ZBTB20: variants seen among roughly 807,000 people sequenced by gnomAD.
ZBTB20 encodes zinc finger and BTB domain-containing protein 20.
In ZBTB20, 9 loss-of-function variants were observed where a neutral mutation model predicts 56.9. That is an observed-to-expected ratio of 0.16 (90% CI 0.10 to 0.28). ZBTB20 has a LOEUF of 0.28. ZBTB20 is among the 10% of genes least tolerant of loss of function. The probability of loss-of-function intolerance (pLI) is 1.00; values close to 1 mark genes in which losing one functional copy is unlikely to be tolerated. For missense variants in ZBTB20, 655 were observed against 1,003.0 expected (o/e 0.65, Z 4.69); for synonymous variants, 417 against 420.7 (o/e 0.99, Z 0.11).
Position 114,550,230 on chromosome 3 carries a change from G to A in ZBTB20, c.-294-49839C>T, listed in dbSNP as rs1577475553. ...TGGAATTACAGGCATGAGCCACTGT[G>A]CCCACCCTATAACTTCTTTATTTAT... On this transcript the variant is annotated intron_variant, in intron 6 of 11. Transcript: ENST00000675478. Among the ~76,000 whole-genome samples, 2 of 152,142 alleles carry A rather than the reference G, an allele frequency of 1.3e-5. 1 individual carries two copies. The highest frequency in any genetic ancestry group is 3.8e-4 in the East Asian group (2 of 5,198).
chr3:114,954,953 C>A (rs763540440), intron 3 of ZBTB20, among the ~76,000 whole-genome samples: 5 of 152,200 alleles, frequency 3.3e-5, no homozygotes, highest in Non-Finnish European at 5.9e-5. Context: ...CAAAGCTTAT[C>A]TGCCCACAGA....
At chr3:114,620,453 C>T (rs1029851446) in intron 6 of ZBTB20, among the ~76,000 whole-genome samples, 7 of 152,130 alleles carry the variant, frequency 4.6e-5, no homozygotes, top group East Asian at 3.9e-4. Context: ...CCACCATGCC[C>T]GGCTAATGTT....
chr3:114,684,466 G>GT (rs1296935132), intron 6 of ZBTB20: 2 of 152,170 alleles, frequency 1.3e-5, no homozygotes, highest in East Asian at 3.8e-4. Context: ...GCACCTAAAT[G>GT]TATGAAGCTT....
intron 3 of ZBTB20, among the ~76,000 whole-genome samples, chr3:114,970,532 A>C (rs1488417129): frequency 6.6e-6 from 1 of 152,172 alleles, no homozygotes; most frequent in Non-Finnish European, 1.5e-5. Context: ...TTTCATGAAA[A>C]CATTTTATTC....
intron 7 of ZBTB20, among the ~76,000 whole-genome samples, chr3:114,389,769 G>C (rs771886521): frequency 6.6e-6 from 1 of 151,518 alleles, no homozygotes; most frequent in Non-Finnish European, 1.5e-5. Context: ...CACGCCTGTA[G>C]TCCCAGCTAC....
At chr3:114,576,976 C>A (rs2054143800) in intron 6 of ZBTB20, among the ~76,000 whole-genome samples, 1 of 151,764 alleles carries the variant, frequency 6.6e-6, no homozygotes, top group Non-Finnish European at 1.5e-5. Flanking sequence ...CATAATTTAA[C>A]CATAGGATAG....
intron 7 of ZBTB20, among the ~76,000 whole-genome samples, chr3:114,461,593 C>T (rs906745250): frequency 6.6e-6 from 1 of 152,226 alleles, no homozygotes; most frequent in African/African-American, 2.4e-5. Context: ...GTGTGAGCCA[C>T]TGCGCCCAGC....
chr3:114,393,438 TTA>T (rs1480762650), intron 7 of ZBTB20, among the ~76,000 whole-genome samples: 1 of 152,222 alleles, frequency 6.6e-6, no homozygotes, highest in Non-Finnish European at 1.5e-5. Context: ...TGTCCTTTAA[TTA>T]AATCCTTCTT....
chr3:114,985,687 C>T (rs552550210), intron 2 of ZBTB20, among the ~76,000 whole-genome samples: 2 of 152,060 alleles, frequency 1.3e-5, no homozygotes, highest in East Asian at 1.9e-4. Flanking sequence ...TGGTAAGATT[C>T]GGGGTGAGAC....
At chr3:114,957,636 A>G (rs1029658506) in intron 3 of ZBTB20, among the ~76,000 whole-genome samples, 1 of 152,196 alleles carries the variant, frequency 6.6e-6, no homozygotes, top group African/African-American at 2.4e-5. Context: ...ATTTAACATC[A>G]TATCTTTCCC....
chr3:114,561,258 A>G (rs2052010022), intron 6 of ZBTB20, among the ~76,000 whole-genome samples: 1 of 152,186 alleles, frequency 6.6e-6, no homozygotes, highest in South Asian at 2.1e-4. Context: ...CTTCTTCCAA[A>G]TGCCTGTTAA....
At chr3:115,106,357 C>A (rs2083724171) in intron 1 of ZBTB20, among the ~76,000 whole-genome samples, 1 of 151,582 alleles carries the variant, frequency 6.6e-6, no homozygotes, top group African/African-American at 2.4e-5. Flanking sequence ...CCTCAGCCTC[C>A]CGAGTAGCTG....
chr3:115,091,062 A>G (rs2083175353), intron 1 of ZBTB20, among the ~76,000 whole-genome samples: 2 of 151,936 alleles, frequency 1.3e-5, no homozygotes, highest in Admixed American at 1.3e-4. Context: ...TATTTATTAT[A>G]TGGTTAAAGA....
At chr3:114,668,800 T>C (rs1247077867) in intron 6 of ZBTB20, among the ~76,000 whole-genome samples, 2 of 152,036 alleles carry the variant, frequency 1.3e-5, no homozygotes, top group African/African-American at 4.8e-5. Context: ...CTATGCAGAA[T>C]CTTAGAACCC....
chr3:114,999,290 G>C (rs1446595174), intron 2 of ZBTB20, among the ~76,000 whole-genome samples: 1 of 140,098 alleles, frequency 7.1e-6, no homozygotes, highest in Non-Finnish European at 1.6e-5. Context: ...GGAAAGGAAA[G>C]GGGGAGGGAA....
intron 6 of ZBTB20, among the ~76,000 whole-genome samples, chr3:114,635,392 C>CACAA (rs1270912445): frequency 6.6e-6 from 1 of 152,050 alleles, no homozygotes; most frequent in African/African-American, 2.4e-5. Flanking sequence ...TTCAAATATA[C>CACAA]AGATCACAAA....
At chr3:114,976,448 A>T in intron 2 of ZBTB20, among the ~76,000 whole-genome samples, 1 of 152,182 alleles carries the variant, frequency 6.6e-6, no homozygotes, top group Non-Finnish European at 1.5e-5. Flanking sequence ...CAACATGGCG[A>T]AACCCCATCT....
At chr3:114,597,633 A>T (rs2056425812) in intron 6 of ZBTB20, among the ~76,000 whole-genome samples, 1 of 152,138 alleles carries the variant, frequency 6.6e-6, no homozygotes, top group African/African-American at 2.4e-5. Flanking sequence ...TCAAAAGCAC[A>T]TGGGTAAGTT....
chr3:114,874,737 A>G (rs529015979), intron 4 of ZBTB20, among the ~76,000 whole-genome samples: 2 of 152,116 alleles, frequency 1.3e-5, no homozygotes, highest in East Asian at 3.9e-4. Context: ...AGTTCTCTTT[A>G]TTGATGTCCT....
Sources: gnomAD v4.1 joint callset for allele counts (sites outside exome capture counted in the v4.1 genomes callset) on GRCh38, gnomAD v4.1.1 for gene constraint, MANE v1.5 for transcripts, NCBI Gene and HGNC (gene_info 2026-07-23, HGNC 2026-07-21) for gene names.